Variants in LINGO2 observed in about 807,000 individuals in gnomAD.
The protein encoded by LINGO2 is leucine-rich repeat and immunoglobulin-like domain-containing nogo receptor-interacting protein 2.
LINGO2 carries 14 observed loss-of-function variants against 30.6 expected under a neutral mutation model. The observed-to-expected ratio is 0.46, with a 90% CI of 0.30 to 0.72. The LOEUF is 0.72. Ranked by LOEUF, LINGO2 falls within the 30% of genes least tolerant of loss-of-function variation. The pLI is 0.07. For synonymous variants in LINGO2, 317 were observed against 288.5 expected (o/e 1.10, Z -1.00); for missense variants, 729 against 751.7 (o/e 0.97, Z 0.35).
At chr9:28,481,546 T>C (rs936375369) in intron 1 of LINGO2, among the ~76,000 whole-genome samples, 3 of 152,108 alleles carry the variant, frequency 2.0e-5, no homozygotes, top group Non-Finnish European at 4.4e-5. Context: ...CTAGATCAAA[T>C]GCTAACTCCC....
chr9:28,397,199 T>G (rs1822081440), intron 2 of LINGO2, among the ~76,000 whole-genome samples: 1 of 151,872 alleles, frequency 6.6e-6, no homozygotes, highest in Admixed American at 6.6e-5. Flanking sequence ...TCCTACTAAC[T>G]CCTATGAAAG....
chr9:28,126,326 T>C (rs1827235226), intron 4 of LINGO2, among the ~76,000 whole-genome samples: 2 of 151,956 alleles, frequency 1.3e-5, no homozygotes, highest in African/African-American at 4.8e-5. Context: ...TTTTCGAAGG[T>C]TCATTTAGAA....
chr9:27,999,000 C>G (rs1821809165), intron 5 of LINGO2, among the ~76,000 whole-genome samples: 1 of 152,082 alleles, frequency 6.6e-6, no homozygotes, highest in African/African-American at 2.4e-5. Flanking sequence ...TTGTCTCTTA[C>G]TTTTGGTATC....
At chr9:28,878,788 A>G in the LINGO2 span, among the ~76,000 whole-genome samples, 5,596 of 152,118 alleles carry the variant, frequency 0.037, 338 homozygotes, top group African/African-American at 0.12. Flanking sequence ...AATTTCAACA[A>G]CCCTTCATGC....
chr9:28,311,290 C>T (rs946659898), intron 3 of LINGO2, among the ~76,000 whole-genome samples: 20 of 152,012 alleles, frequency 1.3e-4, no homozygotes, highest in African/African-American at 4.1e-4. Context: ...ACCACAGGAC[C>T]GGGGCAAAAT....
chr9:28,988,154 T>C, the LINGO2 span, among the ~76,000 whole-genome samples: 1 of 152,230 alleles, frequency 6.6e-6, no homozygotes, highest in African/African-American at 2.4e-5. Flanking sequence ...ATCATTGCAA[T>C]ATAGTGTATC....
chr9:28,518,631 G>T (rs902470850), intron 1 of LINGO2, among the ~76,000 whole-genome samples: 1 of 152,132 alleles, frequency 6.6e-6, no homozygotes, highest in African/African-American at 2.4e-5. Flanking sequence ...GCACAGACGG[G>T]CCTTATTAAC....
intron 4 of LINGO2, among the ~76,000 whole-genome samples, chr9:28,086,924 A>G (rs115877687): frequency 1.3e-3 from 199 of 152,242 alleles, no homozygotes; most frequent in African/African-American, 4.5e-3. Flanking sequence ...AGCACTCACA[A>G]TATGACTTTG....
chr9:27,995,955 A>C (rs1488549875), intron 5 of LINGO2, among the ~76,000 whole-genome samples: 1 of 149,608 alleles, frequency 6.7e-6, no homozygotes, highest in Non-Finnish European at 1.5e-5. Context: ...TACATTTAGA[A>C]AAACTTAAAA....
rs571037575 is a variant in LINGO2 at position 28,667,705 on chromosome 9, C to T, written c.-365+2495G>A. On this transcript the variant is annotated intron_variant, in intron 1 of 5. Coordinates refer to ENST00000379992, the Ensembl canonical transcript of LINGO2. ...GTTGCAGTGAGCCGAGATTGTGCCA[C>T]TGCACTCCAGCCTGGGAAACAGAGT... 3.9e-5 allele frequency among the ~76,000 whole-genome samples: 6 copies of T among 152,260 alleles called. No homozygotes were observed. The South Asian group carries it at 1.2e-3, about 32-fold the overall frequency.
chr9:28,088,086 C>T (rs12376733), intron 4 of LINGO2, among the ~76,000 whole-genome samples: 8,312 of 151,862 alleles, frequency 0.055, 274 homozygotes, highest in Non-Finnish European at 0.081. Flanking sequence ...TAACTAATTT[C>T]GGATAAGAGA....
At chr9:27,949,723 A>G (rs1823539874) in exon 6 of LINGO2, 1 of 1,614,034 alleles carries the variant, frequency 6.2e-7, no homozygotes, top group African/African-American at 1.3e-5. Context: ...AGCCCTTGGA[A>G]GGAGTGAGGC....
chr9:28,703,932 C>CT, the LINGO2 span, among the ~76,000 whole-genome samples: 5 of 151,706 alleles, frequency 3.3e-5, no homozygotes, highest in African/African-American at 1.2e-4. Flanking sequence ...TATCAAATAC[C>CT]TTTTTGATAA....
intron 5 of LINGO2, among the ~76,000 whole-genome samples, chr9:27,998,641 C>A (rs775968204): frequency 2.6e-5 from 4 of 152,112 alleles, no homozygotes; most frequent in Non-Finnish European, 5.9e-5. Flanking sequence ...AGTAGCTGTG[C>A]GTGGTGGCAG....
the LINGO2 span, among the ~76,000 whole-genome samples, chr9:28,812,242 C>A: frequency 6.6e-6 from 1 of 151,904 alleles, no homozygotes; most frequent in African/African-American, 2.4e-5. Context: ...ATTTTTAGTG[C>A]AAGAATATCT....
chr9:28,890,984 T>A, the LINGO2 span, among the ~76,000 whole-genome samples: 2 of 152,076 alleles, frequency 1.3e-5, no homozygotes, highest in South Asian at 4.1e-4. Context: ...GTAGAGTAGG[T>A]GGCTAAATAA....
At chr9:28,167,631 C>T (rs1828468701) in intron 4 of LINGO2, among the ~76,000 whole-genome samples, 1 of 152,198 alleles carries the variant, frequency 6.6e-6, no homozygotes. Context: ...AAGTAGTATG[C>T]CCCCTTTGGC....
At chr9:29,179,155 GTAAATATATATA>G in the LINGO2 span, among the ~76,000 whole-genome samples, 1 of 70,640 alleles carries the variant, frequency 1.4e-5, no homozygotes, top group Admixed American at 2.2e-4. Flanking sequence ...CCTTCTTACT[GTAAATATATATA>G]TATATATATA....
intron 3 of LINGO2, among the ~76,000 whole-genome samples, chr9:28,355,313 CTCTCTCTCTCTCTG>C (rs1820140490): frequency 7.1e-6 from 1 of 140,938 alleles, no homozygotes; most frequent in African/African-American, 2.6e-5. Context: ...CTCTCTCTCT[CTCTCTCTCTCTCTG>C]TCTCTGTCTC....
Sources: allele counts gnomAD v4.1 joint callset (sites outside exome capture counted in the v4.1 genomes callset), GRCh38; gene constraint gnomAD v4.1.1; transcripts MANE v1.5; gene names NCBI Gene and HGNC (gene_info 2026-07-23, HGNC 2026-07-21).